DLG2: variants seen among roughly 807,000 people sequenced by gnomAD.
DLG2 encodes disks large homolog 2.
In DLG2, 45 loss-of-function variants were observed where a neutral mutation model predicts 132.5. The ratio of observed to expected loss-of-function variants is 0.34; its 90% CI spans 0.27 to 0.44. The LOEUF is 0.44. Among genes scored for constraint, DLG2 ranks in the 20% least tolerant of loss-of-function variants. The pLI, the probability that DLG2 is intolerant of heterozygous loss-of-function variation, is 1.00. For missense variants in DLG2, 1,045 were observed against 1,196.9 expected (o/e 0.87, Z 1.87); for synonymous variants, 424 against 419.6 (o/e 1.01, Z -0.13).
intron 7 of DLG2, among the ~76,000 whole-genome samples, chr11:84,292,096 G>A (rs17147151): frequency 6.6e-6 from 1 of 151,960 alleles, no homozygotes; most frequent in East Asian, 1.9e-4. Context: ...GGCCATATTG[G>A]TTGGAAGTCT....
intron 7 of DLG2, among the ~76,000 whole-genome samples, chr11:84,267,083 G>A (rs1044439966): frequency 2.6e-5 from 4 of 152,180 alleles, no homozygotes; most frequent in African/African-American, 9.6e-5. Context: ...AAAGGCAGGT[G>A]GGATTACGGT....
chr11:83,814,235 T>C (rs1178024724), intron 17 of DLG2, among the ~76,000 whole-genome samples: 1 of 152,158 alleles, frequency 6.6e-6, no homozygotes, highest in Non-Finnish European at 1.5e-5. Context: ...CAAAAACACC[T>C]TCTTTGATGC....
intron 18 of DLG2, among the ~76,000 whole-genome samples, chr11:83,746,189 A>T (rs2092899246): frequency 6.6e-6 from 1 of 152,226 alleles, no homozygotes; most frequent in South Asian, 2.1e-4. Flanking sequence ...GGGATCTAGA[A>T]CTAGAAATAC....
At chr11:84,167,724 T>C (rs184710573) in intron 8 of DLG2, among the ~76,000 whole-genome samples, 6 of 152,176 alleles carry the variant, frequency 3.9e-5, no homozygotes, top group African/African-American at 7.2e-5. Flanking sequence ...TGGGGTACAG[T>C]GGTGCGATCT....
intron 3 of DLG2, among the ~76,000 whole-genome samples, chr11:85,514,471 C>T (rs989673817): frequency 2.6e-5 from 4 of 151,962 alleles, no homozygotes; most frequent in African/African-American, 9.7e-5. Flanking sequence ...TTGACATCTT[C>T]TCTAACTTTC....
chr11:84,514,722 T>C (rs952254533), intron 7 of DLG2, among the ~76,000 whole-genome samples: 4 of 151,774 alleles, frequency 2.6e-5, no homozygotes, highest in East Asian at 3.9e-4. Flanking sequence ...CAAAGTTGTA[T>C]AGTTAGAGTG....
chr11:84,059,671 G>A (rs1022378004), intron 10 of DLG2, among the ~76,000 whole-genome samples, 187 bp from the exon 11 acceptor site: 3 of 152,138 alleles, frequency 2.0e-5, no homozygotes, highest in African/African-American at 7.2e-5. Flanking sequence ...AAGCCTCTTA[G>A]CCTTCTTCCT....
Position 85,223,066 on chromosome 11 carries a change from G to A in DLG2, c.186+62154C>T, listed in dbSNP as rs113821184. Among the ~76,000 whole-genome samples the A allele has an allele frequency of 2.9e-3, 448 of 152,320 alleles. 3 individuals are homozygous for A. Among genetic ancestry groups the A allele is most frequent in the African/African-American group, 0.01 (431 of 41,570 alleles). On this transcript the variant is annotated intron_variant, in intron 4 of 27. Transcript: ENST00000376104. ...AAGAGGACAAAGAAGGCAGGATTGAGTGTGCCAAGCAAATCAAATGCCAAG... is the reference window on the plus strand; with the variant it reads ...AAGAGGACAAAGAAGGCAGGATTGAATGTGCCAAGCAAATCAAATGCCAAG...
At chr11:84,042,647 C>T (rs746201640) in intron 11 of DLG2, among the ~76,000 whole-genome samples, 2 of 151,732 alleles carry the variant, frequency 1.3e-5, no homozygotes, top group Non-Finnish European at 2.9e-5. Context: ...GGTACATGTG[C>T]AGGGTGTGCA....
chr11:84,098,798 C>T, intron 10 of DLG2, 125 bp downstream of exon 10: 1 of 1,114,774 alleles, frequency 9.0e-7, no homozygotes, highest in South Asian at 1.5e-5. Context: ...TTTCAGGAAG[C>T]TTGCCTTAAA....
chr11:84,375,733 T>C (rs1319392994), intron 7 of DLG2, among the ~76,000 whole-genome samples: 3 of 152,016 alleles, frequency 2.0e-5, no homozygotes, highest in Non-Finnish European at 4.4e-5. Flanking sequence ...TGAGGCTAGA[T>C]CCTTGCTACC....
At position 83,797,619 on chromosome 11, in the gene DLG2, T is replaced by C. The variant is rs184597628; in HGVS notation, c.1723-10827A>G. 8.7e-4 allele frequency among the ~76,000 whole-genome samples: 133 copies of C among 152,158 alleles called. 3 individuals are homozygous for C. In the East Asian group the frequency reaches 0.015, roughly 17 times the overall value. On this transcript the variant is annotated intron_variant, in intron 17 of 27. Transcript: ENST00000376104. Reference sequence around the variant, plus strand: ...CTGCAAGCTTCGCCTTCTGGGTTCATGCCATTCTCCTGCCTCAGCCTCCCG... The same window carrying C: ...CTGCAAGCTTCGCCTTCTGGGTTCACGCCATTCTCCTGCCTCAGCCTCCCG...
At chr11:83,989,557 G>A (rs1565934581) in intron 11 of DLG2, among the ~76,000 whole-genome samples, 1 of 152,120 alleles carries the variant, frequency 6.6e-6, no homozygotes, top group African/African-American at 2.4e-5. Flanking sequence ...ATTAACAGAA[G>A]TTTAGCATTT....
chr11:83,718,686 G>A (rs1593034833), intron 18 of DLG2, among the ~76,000 whole-genome samples: 1 of 152,130 alleles, frequency 6.6e-6, no homozygotes, highest in Non-Finnish European at 1.5e-5. Context: ...AATAGACTGA[G>A]AGGCTGAGAG....
intron 3 of DLG2, among the ~76,000 whole-genome samples, chr11:85,325,328 C>A (rs1434467285): frequency 3.3e-5 from 5 of 152,094 alleles, no homozygotes; most frequent in Non-Finnish European, 5.9e-5. Context: ...AGGGCACAGA[C>A]AAACAAAAAG....
chr11:84,197,252 T>G (rs2154296128), intron 8 of DLG2, among the ~76,000 whole-genome samples: 1 of 152,240 alleles, frequency 6.6e-6, no homozygotes, highest in Middle Eastern at 3.4e-3. Flanking sequence ...TATATTCATT[T>G]CCTTTGAATG....
intron 21 of DLG2, 61 bp from the exon 22 acceptor site, chr11:83,484,289 G>GCTGA: frequency 8.2e-7 from 1 of 1,214,568 alleles, no homozygotes. Flanking sequence ...TCACACTCAT[G>GCTGA]CTGACAAAAC....
At chr11:84,672,790 T>G (rs2099707307) in intron 6 of DLG2, among the ~76,000 whole-genome samples, 1 of 152,052 alleles carries the variant, frequency 6.6e-6, no homozygotes, top group Non-Finnish European at 1.5e-5. Context: ...GTTCTTGCAC[T>G]ACTATGAAGA....
intron 4 of DLG2, among the ~76,000 whole-genome samples, chr11:85,264,036 T>G (rs1268775509): frequency 6.6e-6 from 1 of 151,788 alleles, no homozygotes; most frequent in Non-Finnish European, 1.5e-5. Flanking sequence ...AAGGTCGTGC[T>G]GCTAGGGTTA....
Sources: gnomAD v4.1 joint callset for allele counts (sites outside exome capture counted in the v4.1 genomes callset) on GRCh38, gnomAD v4.1.1 for gene constraint, MANE v1.5 for transcripts, NCBI Gene and HGNC (gene_info 2026-07-23, HGNC 2026-07-21) for gene names.